STK10: variants seen among roughly 807,000 people sequenced by gnomAD.
STK10 encodes serine/threonine kinase 10, also known as serine/threonine-protein kinase 10.
Under a neutral mutation model 113.8 loss-of-function variants are expected in STK10, and 78 were observed. That is an observed-to-expected ratio of 0.69 (90% CI 0.57 to 0.83). The LOEUF (loss-of-function observed/expected upper bound fraction) is 0.83. STK10 is among the 40% of genes least tolerant of loss of function. The pLI is 0.00. For synonymous variants in STK10, 465 were observed against 494.7 expected, an observed-to-expected ratio of 0.94 and a Z score of 0.80; for missense variants, 1,109 against 1,280.1, an observed-to-expected ratio of 0.87 and a Z score of 2.04.
chr5:172,045,614 G>C, intron 18 of STK10: 1 of 319,872 alleles, frequency 3.1e-6, no homozygotes, highest in Non-Finnish European at 6.2e-6. Context: ...TCAGAGGAGA[G>C]CTCTAGTTGA....
intron 1 of STK10, among the ~76,000 whole-genome samples, chr5:172,159,539 C>T (rs1248902708): frequency 6.6e-6 from 1 of 152,042 alleles, no homozygotes; most frequent in Non-Finnish European, 1.5e-5. Context: ...AAAAAGAAAA[C>T]AGCCGGGCAC....
intron 7 of STK10, among the ~76,000 whole-genome samples, chr5:172,097,632 C>T (rs187104348): frequency 7.0e-4 from 106 of 152,280 alleles, no homozygotes; most frequent in African/African-American, 1.7e-3. Context: ...TGTATGACTA[C>T]GGCACAGTTT....
At chr5:172,150,064 A>AG (rs1554122759) in intron 2 of STK10, among the ~76,000 whole-genome samples, 76 of 150,136 alleles carry the variant, frequency 5.1e-4, no homozygotes, top group African/African-American at 6.1e-4. Context: ...AAAAAAAAAA[A>AG]AAAGAAAGAA....
intron 3 of STK10, among the ~76,000 whole-genome samples, chr5:172,118,771 C>G (rs112159111): frequency 0.012 from 1,791 of 151,196 alleles, 40 homozygotes; most frequent in African/African-American, 0.04. Context: ...CACAGCTACT[C>G]AGGAGGCTGA....
At chr5:172,078,947 CCACACACACA>C (rs57963957) in intron 12 of STK10, among the ~76,000 whole-genome samples, 17 of 144,726 alleles carry the variant, frequency 1.2e-4, no homozygotes, top group African/African-American at 4.0e-4. Context: ...TCTTATAAGT[CCACACACACA>C]CACACACACA....
rs548367064 is a variant in STK10 at position 172,120,676 on chromosome 5, A to G, written c.371-3046T>C. Among the ~76,000 whole-genome samples, 1 of 152,334 alleles carries G rather than the reference A, an allele frequency of 6.6e-6. No individual in the cohort carries two copies. The highest frequency in any genetic ancestry group is 1.9e-4 in the East Asian group (1 of 5,184). On this transcript the variant is annotated intron_variant, in intron 3 of 18. Coordinates refer to ENST00000176763, the MANE Select transcript of STK10 (RefSeq NM_005990.4). This position sits in a 1 kb window ranked among gnomAD's most constrained non-coding sequence, Gnocchi z 4.0. ...AATCGACATAGGCAGGGCTCCAGCC[A>G]TCAGCCATGTTCAGTTCTCAGTGTG...
At chr5:172,112,784 T>C (rs1327998702) in intron 4 of STK10, among the ~76,000 whole-genome samples, 1 of 151,606 alleles carries the variant, frequency 6.6e-6, no homozygotes, top group East Asian at 1.9e-4. Flanking sequence ...TTCATTCTTG[T>C]TGCCCAGGCT....
At chr5:172,051,414 C>T (rs1020947948) in intron 18 of STK10, among the ~76,000 whole-genome samples, 1 of 151,688 alleles carries the variant, frequency 6.6e-6, no homozygotes, top group Non-Finnish European at 1.5e-5. Flanking sequence ...CACTTGAGGT[C>T]AGGAGTTCAA....
At chr5:172,059,199 T>C (rs1252783257) in intron 14 of STK10, among the ~76,000 whole-genome samples, 1 of 151,780 alleles carries the variant, frequency 6.6e-6, no homozygotes, top group Non-Finnish European at 1.5e-5. Context: ...GGCAGGTGGA[T>C]TGCTTAAGGT....
intron 2 of STK10, among the ~76,000 whole-genome samples, chr5:172,147,927 T>C (rs1425991073): frequency 6.6e-6 from 1 of 152,154 alleles, no homozygotes; most frequent in Non-Finnish European, 1.5e-5. Context: ...GAATTGCGGA[T>C]GAAAACCAAT....
intron 2 of STK10, among the ~76,000 whole-genome samples, chr5:172,131,577 G>A (rs989027791): frequency 6.6e-6 from 1 of 152,062 alleles, no homozygotes; most frequent in Non-Finnish European, 1.5e-5. Flanking sequence ...CTTGGCTGCT[G>A]GGAAGCTCTG....
chr5:172,085,416 C>T (rs1464951432), intron 10 of STK10, among the ~76,000 whole-genome samples: 2 of 151,718 alleles, frequency 1.3e-5, no homozygotes, highest in African/African-American at 4.8e-5. Context: ...AGGCCGGGCG[C>T]GGTGGCTCAC....
chr5:172,126,197 G>A (rs563460016), intron 3 of STK10, among the ~76,000 whole-genome samples: 2 of 152,340 alleles, frequency 1.3e-5, no homozygotes, highest in East Asian at 3.9e-4. Context: ...ATGGTCCATG[G>A]TTAGGAGCGG....
intron 2 of STK10, among the ~76,000 whole-genome samples, chr5:172,131,288 C>G (rs1472526529): frequency 6.6e-6 from 1 of 152,188 alleles, no homozygotes; most frequent in Admixed American, 6.5e-5. Flanking sequence ...CCTGCCTCAG[C>G]CTCCCAAAGT....
chr5:172,158,392 C>T (rs554934006), intron 1 of STK10, among the ~76,000 whole-genome samples: 4 of 152,188 alleles, frequency 2.6e-5, no homozygotes, highest in South Asian at 2.1e-4. Flanking sequence ...ATTTGGGAGG[C>T]GGAGGCAGGC....
intron 1 of STK10, among the ~76,000 whole-genome samples, chr5:172,181,056 C>T (rs1410810055): frequency 6.6e-6 from 1 of 152,190 alleles, no homozygotes; most frequent in East Asian, 1.9e-4. Flanking sequence ...ACAAAACACA[C>T]AGGCACACAC....
intron 3 of STK10, among the ~76,000 whole-genome samples, chr5:172,121,565 G>C (rs113015252): frequency 0.27 from 40,897 of 151,766 alleles, 5,996 homozygotes; most frequent in African/African-American, 0.4. Flanking sequence ...CCAGCACTTC[G>C]GGAGGTGGAG....
intron 12 of STK10, among the ~76,000 whole-genome samples, chr5:172,071,233 AAAAAAAAAG>A (rs1768174084): frequency 7.5e-6 from 1 of 133,540 alleles, no homozygotes; most frequent in Non-Finnish European, 1.6e-5. Context: ...AAAAAAAAAA[AAAAAAAAAG>A]AAATAGGTAT....
At chr5:172,186,540 T>C (rs1197388848) in intron 1 of STK10, among the ~76,000 whole-genome samples, 1 of 151,978 alleles carries the variant, frequency 6.6e-6, no homozygotes, top group African/African-American at 2.4e-5. Flanking sequence ...GAGAATTGCT[T>C]GAGCCCAGGA....
Sources: allele counts gnomAD v4.1 joint callset (sites outside exome capture counted in the v4.1 genomes callset), GRCh38; gene constraint gnomAD v4.1.1; non-coding constraint Gnocchi (gnomAD v3.1); transcripts MANE v1.5; gene names NCBI Gene and HGNC (gene_info 2026-07-23, HGNC 2026-07-21).